BRPF3: variants seen among roughly 807,000 people sequenced by gnomAD.
BRPF3 encodes bromodomain and PHD finger containing 3, also known as bromodomain and PHD finger-containing protein 3.
Under a neutral mutation model 102.0 loss-of-function variants are expected in BRPF3, and 18 were observed. The observed-to-expected ratio is 0.18, with a 90% CI of 0.12 to 0.26. The LOEUF is 0.26. Ranked by LOEUF, BRPF3 falls within the 10% of genes least tolerant of loss-of-function variation. The pLI is 1.00. For missense variants in BRPF3, 1,147 were observed against 1,567.8 expected (o/e 0.73, Z 4.53); for synonymous variants, 570 against 614.2 (o/e 0.93, Z 1.06).
intron 10 of BRPF3, among the ~76,000 whole-genome samples, chr6:36,223,510 A>G (rs931194532): frequency 1.3e-5 from 2 of 152,374 alleles, no homozygotes; most frequent in Admixed American, 6.5e-5. Context: ...TCACTGTAAC[A>G]TGATTGTCTT....
intron 12 of BRPF3, 136 bp downstream of exon 12, chr6:36,229,192 C>A: frequency 1.8e-6 from 2 of 1,125,108 alleles, no homozygotes; most frequent in Non-Finnish European, 2.5e-6. Context: ...AACAGGCCTG[C>A]ACTTGGCATG....
In BRPF3 at chr6:36,204,567, C is replaced by T. The variant is rs977294205; in HGVS notation, c.1449-91C>T. On this transcript the variant is annotated intron_variant, in intron 2 of 12. Transcript: ENST00000357641. ...TTATTCTGTCTTCCTGTATAAGGTT[C>T]AGAAATGAACCAGGTCTGGATAGGA... The T allele has an allele frequency of 6.8e-6, 10 of 1,471,512 alleles. No homozygotes were observed. In the East Asian group the frequency reaches 1.8e-4, roughly 27 times the overall value. The allele number at this position is 1,471,512 out of a possible 1,614,324, so 91.2% of individuals were successfully genotyped here. A position where few individuals can be genotyped will look rare whatever the true frequency, so the allele number is the denominator to read the frequency against.
chr6:36,218,086 A>G, intron 9 of BRPF3, 76 bp downstream of exon 9: 1 of 1,272,604 alleles, frequency 7.9e-7, no homozygotes, highest in South Asian at 1.4e-5. Flanking sequence ...TACAGATTGA[A>G]CCTCTTCCTG....
At chr6:36,214,493 C>T (rs2127289389) in intron 8 of BRPF3, 107 bp downstream of exon 8, 2 of 1,308,892 alleles carry the variant, frequency 1.5e-6, no homozygotes, top group East Asian at 2.5e-5. Context: ...CACCATTGGA[C>T]AGCAATAGTA....
intron 10 of BRPF3, among the ~76,000 whole-genome samples, chr6:36,224,191 A>G (rs1023816847): frequency 6.6e-6 from 1 of 152,178 alleles, no homozygotes; most frequent in Non-Finnish European, 1.5e-5. Flanking sequence ...GTGAGATCCT[A>G]TCTCTACAAA....
chr6:36,214,269 G>C lies in BRPF3; in HGVS notation c.2872G>C (p.Gly958Arg). ...GAATGGCGAGGACCATGGTGTGGCA[G>C]GCTCTCCTGCCTCTCCAGCCAGCAT... ...LENGEDHGVA[G>R]SPASPASIEE... The change falls in exon 8 of 13, where the codon GGC becomes CGC. Residue 958 changes from glycine to arginine, a missense_variant. Coordinates refer to ENST00000357641, the MANE Select transcript of BRPF3 (RefSeq NM_015695.3). 6.2e-7 allele frequency: 1 copy of C among 1,613,550 alleles called. No homozygotes were observed. The highest frequency in any genetic ancestry group is 8.5e-7 in the Non-Finnish European group (1 of 1,179,956).
chr6:36,219,335 T>C (rs1368295869), intron 9 of BRPF3, among the ~76,000 whole-genome samples: 1 of 152,100 alleles, frequency 6.6e-6, no homozygotes, highest in East Asian at 1.9e-4. Flanking sequence ...GAAAAAATTA[T>C]CAGGCACAGG....
At chr6:36,204,390 A>G in intron 2 of BRPF3, 2 of 477,408 alleles carry the variant, frequency 4.2e-6, no homozygotes, top group Admixed American at 3.4e-5. Context: ...CCAGGACCAT[A>G]GGAAACGGGA....
At position 36,211,268 on chromosome 6, in the gene BRPF3, C is replaced by A. The variant is rs1488238195; in HGVS notation, c.2190C>A (p.Ile730=). The change falls in exon 7 of 13, where the codon ATC becomes ATA. Residue 730 remains isoleucine (I), a synonymous_variant. Coordinates refer to ENST00000357641, the MANE Select transcript of BRPF3 (RefSeq NM_015695.3). ...CCTTCTCCCTGGCAGTGGACAACAT[C>A]CTCATCCCAGAGAACCGGGCCCATT... ...YRFSWEDVDN[I]LIPENRAHLS... is the part of the protein sequence containing the mutation. 1.9e-6 allele frequency: 3 copies of A among 1,613,360 alleles called. No individual in the cohort carries two copies. The highest frequency in any genetic ancestry group is 2.5e-6 in the Non-Finnish European group (3 of 1,179,592).
rs1767641862 is a variant in BRPF3 at position 36,200,178 on chromosome 6, G to A, written c.-26-119G>A. On this transcript the variant is annotated intron_variant, in intron 1 of 12. Transcript: ENST00000357641. This position sits in a 1 kb window ranked among gnomAD's most constrained non-coding sequence, Gnocchi z 5.3. The stretch of plus-strand genomic sequence containing the variant: ...GGAGCAAGCCATGTGGATGCCTGAG[G>A]GGCAAGTTGTTCAGACAGAGGGAAA... 7.9e-7 allele frequency: 1 copy of A among 1,268,798 alleles called. No homozygotes were observed. The highest frequency in any genetic ancestry group is 1.5e-5 in the African/African-American group (1 of 66,188). 78.6% of individuals were successfully genotyped at this position (1,268,798 alleles called of 1,614,324 possible). A position where few individuals can be genotyped will look rare whatever the true frequency, so the allele number is the denominator to read the frequency against.
intron 9 of BRPF3, among the ~76,000 whole-genome samples, chr6:36,221,298 T>G (rs1285585010): frequency 6.8e-6 from 1 of 146,244 alleles, no homozygotes; most frequent in Admixed American, 6.8e-5. Context: ...TTTTTTTTTT[T>G]TTTTTTTGAG....
intron 8 of BRPF3, among the ~76,000 whole-genome samples, chr6:36,217,346 C>G (rs1768365432): frequency 6.6e-6 from 1 of 152,314 alleles, no homozygotes; most frequent in East Asian, 1.9e-4. Flanking sequence ...GTGCCCCCAT[C>G]CTCACTTTGG....
chr6:36,200,841 A>T lies in BRPF3; in HGVS notation c.519A>T (p.Val173=). 2 of 1,614,210 alleles carry T rather than the reference A, an allele frequency of 1.2e-6. No individual in the cohort carries two copies. The highest frequency in any genetic ancestry group is 2.2e-5 in the South Asian group (2 of 91,084). The part of the protein sequence containing the change: ...WLDMVNEKRR[V]DGHSLVSADT... The stretch of plus-strand genomic sequence containing the variant: ...ACATGGTGAATGAAAAACGGCGAGT[A>T]GATGGGCACAGTTTGGTGTCTGCAG... Residue 173 remains valine (V), a synonymous_variant, in exon 2 of 13, where the codon GTA becomes GTT. Coordinates refer to ENST00000357641, the MANE Select transcript of BRPF3 (RefSeq NM_015695.3). This position sits in a 1 kb window ranked among gnomAD's most constrained non-coding sequence, Gnocchi z 5.3.
chr6:36,229,017 A>G lies in BRPF3; in HGVS notation c.3395A>G (p.Lys1132Arg). Residue 1132 changes from lysine to arginine, a missense_variant, in exon 12 of 13, where the codon AAG becomes AGG. By Grantham distance (26) the Lys-to-Arg change is conservative. Coordinates refer to ENST00000357641, the MANE Select transcript of BRPF3 (RefSeq NM_015695.3). ...GEQKQAEAGE[K>R]LFLVLFFDNK... ...CAGAAACAGGCAGAGGCTGGAGAGAAGCTCTTCCTTGTCCTCTTCTTTGAC... is the reference window on the plus strand; with the variant it reads ...CAGAAACAGGCAGAGGCTGGAGAGAGGCTCTTCCTTGTCCTCTTCTTTGAC... 5 of 1,614,176 alleles carry G rather than the reference A, an allele frequency of 3.1e-6. No individual in the cohort carries two copies. The highest frequency in any genetic ancestry group is 4.2e-6 in the Non-Finnish European group (5 of 1,180,024).
At chr6:36,202,396 G>A (rs1216887543) in intron 2 of BRPF3, among the ~76,000 whole-genome samples, 1 of 149,474 alleles carries the variant, frequency 6.7e-6, no homozygotes, top group African/African-American at 2.5e-5. Context: ...CAGCTGTGTA[G>A]CTAAGCTCTG....
Position 36,230,230 on chromosome 6 carries a change from C to T in BRPF3, c.3435-196C>T, listed in dbSNP as rs1768892189. Among the ~76,000 whole-genome samples, 1 of 151,992 alleles carries T rather than the reference C, an allele frequency of 6.6e-6. No individual in the cohort carries two copies. Among genetic ancestry groups the T allele is most frequent in the Non-Finnish European group, 1.5e-5 (1 of 67,984 alleles). ...ATTGATTCCATGCCATTCCCCCACCCGACTCCTGCATATCCTGCTTGCTGT... is the reference window on the plus strand; with the variant it reads ...ATTGATTCCATGCCATTCCCCCACCTGACTCCTGCATATCCTGCTTGCTGT... On this transcript the variant is annotated intron_variant, in intron 12 of 12. Coordinates refer to ENST00000357641, the MANE Select transcript of BRPF3 (RefSeq NM_015695.3). This position sits in a 1 kb window ranked among gnomAD's most constrained non-coding sequence, Gnocchi z 5.4.
At chr6:36,218,162 G>T in intron 9 of BRPF3, 152 bp downstream of exon 9, 1 of 633,712 alleles carries the variant, frequency 1.6e-6, no homozygotes, top group Non-Finnish European at 2.7e-6. Flanking sequence ...AACTCTGGGA[G>T]TTCCTAGGAA....
At chr6:36,225,481 G>C (rs576916514) in intron 11 of BRPF3, 117 bp downstream of exon 11, 5 of 871,274 alleles carry the variant, frequency 5.7e-6, no homozygotes, top group African/African-American at 3.4e-5. Flanking sequence ...CTGTAGAGGG[G>C]AGGGGGGTTT....
chr6:36,227,910 G>GT (rs796931170), intron 11 of BRPF3, among the ~76,000 whole-genome samples: 125 of 152,316 alleles, frequency 8.2e-4, no homozygotes, highest in African/African-American at 2.9e-3. Context: ...GCAGTTTATT[G>GT]TAAGAAGGGG....
Sources: gnomAD v4.1 joint callset for allele counts (sites outside exome capture counted in the v4.1 genomes callset) on GRCh38, gnomAD v4.1.1 for gene constraint, Gnocchi (gnomAD v3.1) non-coding constraint, MANE v1.5 for transcripts, NCBI Gene and HGNC (gene_info 2026-07-23, HGNC 2026-07-21) for gene names.